Variants in SOHLH2 observed in about 807,000 individuals in gnomAD.
SOHLH2 encodes the protein spermatogenesis- and oogenesis-specific basic helix-loop-helix-containing protein 2.
A neutral mutation model predicts 50.4 loss-of-function variants in SOHLH2; 22 were observed. The ratio of observed to expected loss-of-function variants is 0.44; its 90% confidence interval spans 0.31 to 0.62. The LOEUF is 0.62. SOHLH2 is among the 20% of genes least tolerant of loss of function. The pLI is 0.08. For synonymous variants in SOHLH2, 185 were observed against 187.3 expected (o/e 0.99, Z 0.10); for missense variants, 412 against 504.4 (o/e 0.82, Z 1.76).
intron 1 of SOHLH2, among the ~76,000 whole-genome samples, chr13:36,205,809 C>T (rs1316884729): frequency 1.3e-5 from 2 of 151,898 alleles, no homozygotes; most frequent in Admixed American, 6.6e-5. Context: ...TTAGGTAAAA[C>T]ATGTCTAGAA....
intron 10 of SOHLH2, among the ~76,000 whole-genome samples, chr13:36,170,266 T>G (rs1311582912): frequency 6.6e-6 from 1 of 151,966 alleles, no homozygotes; most frequent in Non-Finnish European, 1.5e-5. Context: ...CTAGGGGAGA[T>G]CAGATTCCAC....
At chr13:36,198,658 T>C (rs1337816409) in intron 2 of SOHLH2, among the ~76,000 whole-genome samples, 1 of 152,254 alleles carries the variant, frequency 6.6e-6, no homozygotes, top group Non-Finnish European at 1.5e-5. Context: ...CAGTGAATGA[T>C]TAGCACCTAG....
At chr13:36,186,917 G>A (rs1035177079) in intron 6 of SOHLH2, among the ~76,000 whole-genome samples, 4 of 152,124 alleles carry the variant, frequency 2.6e-5, no homozygotes, top group Non-Finnish European at 5.9e-5. Flanking sequence ...TGTAAAGCAG[G>A]TGAGTGGAAG....
chr13:36,183,296 T>C (rs1343354485), intron 6 of SOHLH2: 3 of 183,996 alleles, frequency 1.6e-5, no homozygotes, highest in Non-Finnish European at 3.6e-5. Context: ...CACAATAACA[T>C]ATGTAAAAGT....
chr13:36,188,067 A>AG (rs1176944340), intron 6 of SOHLH2, among the ~76,000 whole-genome samples: 10 of 152,282 alleles, frequency 6.6e-5, no homozygotes, highest in African/African-American at 2.4e-4. Context: ...ACTCTGCTGG[A>AG]AAGGCTTCAG....
chr13:36,194,242 A>G (rs1887658378), intron 2 of SOHLH2, among the ~76,000 whole-genome samples: 1 of 152,064 alleles, frequency 6.6e-6, no homozygotes, highest in South Asian at 2.1e-4. Flanking sequence ...TAATTAAAGA[A>G]CAAGACAAGA....
intron 2 of SOHLH2, among the ~76,000 whole-genome samples, chr13:36,201,631 T>G (rs1162542227): frequency 6.6e-6 from 1 of 152,174 alleles, no homozygotes; most frequent in Non-Finnish European, 1.5e-5. Flanking sequence ...CATGCCCGGC[T>G]AATTTTTTAA....
intron 1 of SOHLH2, among the ~76,000 whole-genome samples, chr13:36,203,703 T>C (rs1046674679): frequency 1.3e-5 from 2 of 152,210 alleles, no homozygotes; most frequent in Non-Finnish European, 2.9e-5. Flanking sequence ...TTAAAAAAAT[T>C]TTGTATTGTG....
At chr13:36,214,058 T>A (rs956273073) in intron 1 of SOHLH2, among the ~76,000 whole-genome samples, 10 of 149,588 alleles carry the variant, frequency 6.7e-5, no homozygotes, top group Admixed American at 3.3e-4. Flanking sequence ...TTTTTTTTTT[T>A]AGTTGGAGAA....
chr13:36,209,321 T>A (rs528658290), intron 1 of SOHLH2, among the ~76,000 whole-genome samples: 27 of 152,250 alleles, frequency 1.8e-4, no homozygotes, highest in African/African-American at 6.3e-4. Flanking sequence ...AATTCAAATT[T>A]TAGAAGTTTT....
chr13:36,193,121 G>A (rs1593949971), intron 4 of SOHLH2, among the ~76,000 whole-genome samples: 2 of 152,080 alleles, frequency 1.3e-5, no homozygotes, highest in African/African-American at 4.8e-5. Context: ...TAATATAATA[G>A]GCAAAGAGTT....
chr13:36,198,888 T>C (rs1045461612), intron 2 of SOHLH2, among the ~76,000 whole-genome samples: 1 of 152,218 alleles, frequency 6.6e-6, no homozygotes, highest in Admixed American at 6.5e-5. Context: ...TCCTCATTCA[T>C]TGACAGGAGA....
intron 5 of SOHLH2, among the ~76,000 whole-genome samples, chr13:36,190,662 G>A (rs1209493349): frequency 6.6e-6 from 1 of 152,086 alleles, no homozygotes; most frequent in Non-Finnish European, 1.5e-5. Context: ...AGGATACTGA[G>A]GGAAGACAGA....
chr13:36,197,025 T>G (rs897180290), intron 2 of SOHLH2, among the ~76,000 whole-genome samples: 7 of 152,210 alleles, frequency 4.6e-5, no homozygotes, highest in African/African-American at 9.6e-5. Flanking sequence ...TGAATGAATA[T>G]TCCTTGAAAC....
At chr13:36,212,447 T>C (rs1039150324) in intron 1 of SOHLH2, among the ~76,000 whole-genome samples, 2 of 152,230 alleles carry the variant, frequency 1.3e-5, no homozygotes, top group Non-Finnish European at 2.9e-5. Context: ...TGAATATTTA[T>C]TTAGTTTAAA....
chr13:36,201,932 C>G lies in SOHLH2; in HGVS notation c.210G>C (p.Leu70Phe), dbSNP rs1593957404. 6.2e-7 allele frequency: 1 copy of G among 1,614,102 alleles called. No individual in the cohort carries two copies. The highest frequency in any genetic ancestry group is 1.7e-5 in the Admixed American group (1 of 60,006). The change falls in exon 2 of 11, where the codon TTG becomes TTC. Residue 70 changes from leucine (L) to phenylalanine (F), a missense_variant. Transcript: ENST00000379881. ...CGGCACTTAGTGAAGAAGGCACCTT[C>G]AAGAGAACCATGTTGAATATGCAAT... is the stretch of plus-strand genomic sequence containing the variant. ...LDDCIFNMVL[L>F]KVPSSLSAEE...
chr13:36,177,477 C>A, intron 6 of SOHLH2, among the ~76,000 whole-genome samples: 1 of 152,048 alleles, frequency 6.6e-6, no homozygotes, highest in African/African-American at 2.4e-5. Context: ...TTTATAAAAA[C>A]AGGCAGAACT....
chr13:36,211,570 G>T (rs536702126), intron 1 of SOHLH2, among the ~76,000 whole-genome samples: 1 of 152,324 alleles, frequency 6.6e-6, no homozygotes, highest in East Asian at 1.9e-4. Context: ...TACTAAGGGT[G>T]TTATCTTTTT....
intron 1 of SOHLH2, among the ~76,000 whole-genome samples, chr13:36,213,680 G>A (rs530465630): frequency 8.8e-4 from 134 of 152,284 alleles, no homozygotes; most frequent in African/African-American, 3.2e-3. Flanking sequence ...GCTTTCAAGA[G>A]AGGCCAGCGG....
Sources: allele counts gnomAD v4.1 joint callset (sites outside exome capture counted in the v4.1 genomes callset), GRCh38; gene constraint gnomAD v4.1.1; transcripts MANE v1.5; gene names NCBI Gene and HGNC (gene_info 2026-07-23, HGNC 2026-07-21).